GALNT14: variants seen among roughly 807,000 people sequenced by gnomAD.
GALNT14 encodes polypeptide N-acetylgalactosaminyltransferase 14.
In GALNT14, 60 loss-of-function variants were observed where a neutral mutation model predicts 77.5. The observed-to-expected ratio is 0.77, with a 90% CI of 0.63 to 0.96. GALNT14 has a LOEUF of 0.96. GALNT14 is among the 40% of genes least tolerant of loss of function. The pLI is 0.00. For missense variants in GALNT14, 710 were observed against 731.0 expected (o/e 0.97, Z 0.33); for synonymous variants, 280 against 281.7 (o/e 0.99, Z 0.06).
intron 1 of GALNT14, among the ~76,000 whole-genome samples, chr2:31,028,892 CTG>C: frequency 6.6e-6 from 1 of 152,264 alleles, no homozygotes; most frequent in Non-Finnish European, 1.5e-5. Context: ...GCAGCAACGG[CTG>C]AGAGTAGCTT....
chr2:31,061,450 C>A (rs564814919), intron 1 of GALNT14, among the ~76,000 whole-genome samples: 2 of 152,296 alleles, frequency 1.3e-5, no homozygotes, highest in South Asian at 4.1e-4. Context: ...CTCCCAAAGA[C>A]AACTGAGCCC....
chr2:31,031,972 T>G (rs916970002), intron 1 of GALNT14, among the ~76,000 whole-genome samples: 1 of 152,226 alleles, frequency 6.6e-6, no homozygotes, highest in Non-Finnish European at 1.5e-5. Context: ...CTCTCGGAAC[T>G]TCTCGCGGCT....
At chr2:31,075,093 TCG>T (rs1302346749) in intron 1 of GALNT14, among the ~76,000 whole-genome samples, 15 of 152,214 alleles carry the variant, frequency 9.9e-5, no homozygotes, top group African/African-American at 3.1e-4. Context: ...GAGTGAGCTC[TCG>T]CTCTGAGTTC....
chr2:31,065,174 G>A (rs991659045), intron 1 of GALNT14: 1 of 151,920 alleles, frequency 6.6e-6, no homozygotes, highest in Non-Finnish European at 1.5e-5. Flanking sequence ...CTACTCATTG[G>A]TTTTATTATT....
intron 1 of GALNT14, among the ~76,000 whole-genome samples, chr2:31,104,700 G>A (rs1270749590): frequency 6.6e-6 from 1 of 152,086 alleles, no homozygotes; most frequent in Non-Finnish European, 1.5e-5. Flanking sequence ...TCCTTCTGTA[G>A]AGCCTGTGTC....
chr2:30,952,833 T>C (rs972107801), intron 6 of GALNT14, among the ~76,000 whole-genome samples: 13 of 152,134 alleles, frequency 8.5e-5, no homozygotes, highest in Middle Eastern at 3.4e-3. Context: ...ATGTCTGCAA[T>C]GACCATGGGT....
In GALNT14 at chr2:31,058,316, G is replaced by A. The variant is rs1188327022; in HGVS notation, c.130-65309C>T. ...CCCACCTCCCAGCGGGCTGGGCTGG[G>A]CGAATTAGGTGGGACAGTGTGCGTC... is the stretch of plus-strand genomic sequence containing the variant. On this transcript the variant is annotated intron_variant, in intron 1 of 14. Transcript: ENST00000349752. Among the ~76,000 whole-genome samples, 5 of 152,242 alleles carry A rather than the reference G, an allele frequency of 3.3e-5. No individual in the cohort carries two copies. The East Asian group carries it at 7.8e-4, about 24-fold the overall frequency.
At chr2:30,924,078 A>T (rs755089379) in intron 13 of GALNT14, 41 bp downstream of exon 13, 1 of 1,612,670 alleles carries the variant, frequency 6.2e-7, no homozygotes, top group Non-Finnish European at 8.5e-7. Context: ...GCCTCCCTCT[A>T]CTGTGACACA....
chr2:31,115,799 G>A (rs1678076238), intron 1 of GALNT14, among the ~76,000 whole-genome samples: 1 of 152,208 alleles, frequency 6.6e-6, no homozygotes, highest in Non-Finnish European at 1.5e-5. Flanking sequence ...GCTCACGCCT[G>A]TGAGGCAGGA....
At chr2:31,122,177 G>A (rs941073978) in intron 1 of GALNT14, among the ~76,000 whole-genome samples, 9 of 152,138 alleles carry the variant, frequency 5.9e-5, no homozygotes, top group East Asian at 1.9e-4. Context: ...TAGGAAGGCC[G>A]GCCACTGGAC....
chr2:31,075,070 G>A (rs1225647423), intron 1 of GALNT14, among the ~76,000 whole-genome samples: 1 of 152,208 alleles, frequency 6.6e-6, no homozygotes, highest in Non-Finnish European at 1.5e-5. Context: ...ACTTGGTGCT[G>A]TCCTTGTGAT....
intron 1 of GALNT14, among the ~76,000 whole-genome samples, chr2:31,044,247 C>A (rs1673282249): frequency 6.6e-6 from 1 of 152,180 alleles, no homozygotes; most frequent in Admixed American, 6.5e-5. Flanking sequence ...TAATACACCA[C>A]TCATCTCACC....
chr2:31,058,891 C>A (rs773795234), intron 1 of GALNT14, among the ~76,000 whole-genome samples: 1 of 152,154 alleles, frequency 6.6e-6, no homozygotes, highest in Non-Finnish European at 1.5e-5. Context: ...AGCAATATCT[C>A]AAATTCTTTT....
chr2:30,912,716 C>G (rs532872114), intron 13 of GALNT14, among the ~76,000 whole-genome samples: 1 of 152,296 alleles, frequency 6.6e-6, no homozygotes, highest in Admixed American at 6.5e-5. Flanking sequence ...CTTGACATTT[C>G]AAGCAGCCAT....
chr2:31,025,077 T>C (rs1671956112), intron 1 of GALNT14, among the ~76,000 whole-genome samples: 1 of 152,208 alleles, frequency 6.6e-6, no homozygotes, highest in East Asian at 1.9e-4. Flanking sequence ...TTATAATAGT[T>C]ATTAAGACAA....
At chr2:31,016,430 C>A (rs1031310747) in intron 1 of GALNT14, among the ~76,000 whole-genome samples, 1 of 152,078 alleles carries the variant, frequency 6.6e-6, no homozygotes, top group African/African-American at 2.4e-5. Flanking sequence ...ACAATTCAGG[C>A]GATTACACCT....
intron 1 of GALNT14, among the ~76,000 whole-genome samples, chr2:31,043,862 G>A (rs187004404): frequency 1.0e-3 from 154 of 152,280 alleles, no homozygotes; most frequent in African/African-American, 3.6e-3. Context: ...AAGGTACAGT[G>A]GAACCATAGA....
intron 1 of GALNT14, among the ~76,000 whole-genome samples, chr2:31,075,555 A>G (rs975182876): frequency 2.0e-5 from 3 of 152,184 alleles, no homozygotes; most frequent in Admixed American, 1.3e-4. Context: ...AGCATTTCTG[A>G]GAAATAGAGA....
chr2:31,087,167 C>T (rs1329999434), intron 1 of GALNT14, among the ~76,000 whole-genome samples: 2 of 152,106 alleles, frequency 1.3e-5, no homozygotes, highest in Non-Finnish European at 1.5e-5. Context: ...AGGCAGAAGA[C>T]ACAACTTGAC....
Sources: gnomAD v4.1 joint callset for allele counts (sites outside exome capture counted in the v4.1 genomes callset) on GRCh38, gnomAD v4.1.1 for gene constraint, MANE v1.5 for transcripts, NCBI Gene and HGNC (gene_info 2026-07-23, HGNC 2026-07-21) for gene names.